MME: variants seen among roughly 807,000 people sequenced by gnomAD.
MME encodes membrane metalloendopeptidase.
A neutral mutation model predicts 113.2 loss-of-function variants in MME; 98 were observed. That is an observed-to-expected ratio of 0.87 (90% confidence interval 0.74 to 1.02). The LOEUF (loss-of-function observed/expected upper bound fraction) is 1.02. MME is among the 50% of genes least tolerant of loss of function. The pLI, the probability that MME is intolerant of heterozygous loss-of-function variation, is 0.00. For missense variants in MME, 836 were observed against 896.0 expected (o/e 0.93, Z 0.86); for synonymous variants, 292 against 300.6 (o/e 0.97, Z 0.30).
At chr3:155,054,378 T>A (rs184030377) in intron 1 of MME, among the ~76,000 whole-genome samples, 269 of 152,312 alleles carry the variant, frequency 1.8e-3, no homozygotes, top group Middle Eastern at 6.8e-3. Flanking sequence ...CTGAGAGGAA[T>A]TTTTTATTCT....
chr3:155,051,313 C>T (rs1713756715), intron 1 of MME, among the ~76,000 whole-genome samples: 1 of 152,202 alleles, frequency 6.6e-6, no homozygotes, highest in Non-Finnish European at 1.5e-5. Flanking sequence ...ATAGCATGGA[C>T]TGCTGTGAAT....
rs201647765 is a variant in MME, at chr3:155,180,457, T to G, written c.2251T>G (p.Ter751GlyextTer36). 6.2e-7 allele frequency: 1 copy of G among 1,611,918 alleles called. No homozygotes were observed. The highest frequency in any genetic ancestry group is 8.5e-7 in the Non-Finnish European group (1 of 1,178,282). ...TCCAGAAAAGAAGTGCCGGGTTTGG[T>G]GATCTTCAAAAGAAGCATTGCAGCC... ...MNPEKKCRVW[*>G] Residue 751 changes from the stop codon to glycine, a stop_lost, in exon 23 of 23, where the codon TGA becomes GGA. Coordinates refer to ENST00000360490, the MANE Select transcript of MME (RefSeq NM_007289.4).
chr3:155,116,040 A>G (rs141124502), intron 4 of MME, among the ~76,000 whole-genome samples: 2 of 152,296 alleles, frequency 1.3e-5, no homozygotes, highest in African/African-American at 4.8e-5. Context: ...CATTTGGAGC[A>G]TGAACGGTAC....
intron 22 of MME, among the ~76,000 whole-genome samples, chr3:155,177,983 A>C (rs1466897597): frequency 6.6e-6 from 1 of 151,412 alleles, no homozygotes; most frequent in Non-Finnish European, 1.5e-5. Context: ...CAGAGCCTCC[A>C]CTCTTCATGT....
In MME at chr3:155,125,138, C is replaced by T. The variant is rs1375174695; in HGVS notation, c.720+6327C>T. Among the ~76,000 whole-genome samples, 7 of 146,668 alleles carry T rather than the reference C, an allele frequency of 4.8e-5. No homozygotes were observed. In the East Asian group the frequency reaches 1.2e-3, roughly 26 times the overall value. ...GTCTCGTGGTGCGCCGTTTTTAAGC[C>T]GGTCTGAAAAGCGCAATATTCGGGT... On this transcript the variant is annotated intron_variant, in intron 8 of 22. Transcript: ENST00000360490.
chr3:155,127,705 C>G (rs541827069), intron 8 of MME, among the ~76,000 whole-genome samples: 2 of 152,284 alleles, frequency 1.3e-5, no homozygotes, highest in South Asian at 4.1e-4. Flanking sequence ...GTGATCAAAT[C>G]TAGAATCAGT....
chr3:155,114,366 C>T (rs1718428547), intron 3 of MME, among the ~76,000 whole-genome samples: 1 of 152,056 alleles, frequency 6.6e-6, no homozygotes, highest in Non-Finnish European at 1.5e-5. Context: ...CATCATAGTC[C>T]TGAAAGATAA....
chr3:155,142,125 C>G lies in MME; in HGVS notation c.1092C>G (p.Ala364=). Reference sequence around the variant, plus strand: ...AGCCCATTCTTACCAAATATTCTGCCAGGTAGGTATGTCACAGTCCCCATG... The same window carrying G: ...AGCCCATTCTTACCAAATATTCTGCGAGGTAGGTATGTCACAGTCCCCATG... The part of the protein sequence containing the change: ...KLKPILTKYS[A]RDLQNLMSWR... The change falls in exon 11 of 23, where the codon GCC becomes GCG. Residue 364 remains alanine (A), a splice_region_variant and synonymous_variant. Transcript: ENST00000360490. 1 of 1,613,762 alleles carries G rather than the reference C, an allele frequency of 6.2e-7. No homozygotes were observed. Among genetic ancestry groups the G allele is most frequent in the Non-Finnish European group, 8.5e-7 (1 of 1,179,786 alleles).
At chr3:155,051,089 A>G (rs970714775) in intron 1 of MME, among the ~76,000 whole-genome samples, 2 of 152,230 alleles carry the variant, frequency 1.3e-5, no homozygotes, top group African/African-American at 4.8e-5. Flanking sequence ...TAAATTGAGG[A>G]AGAAACTGTT....
At position 155,115,036 on chromosome 3, in the gene MME, G is replaced by A. The variant is rs754813027; in HGVS notation, c.239G>A (p.Cys80Tyr). 6.2e-7 allele frequency: 1 copy of A among 1,614,064 alleles called. No individual in the cohort carries two copies. Among genetic ancestry groups the A allele is most frequent in the Non-Finnish European group, 8.5e-7 (1 of 1,180,000 alleles). ...IQNMDATTEP[C>Y]TDFFKYACGG... ...AACATGGATGCCACCACTGAGCCTT[G>A]TACAGACTTTTTCAAATATGCTTGC... is the stretch of plus-strand genomic sequence containing the variant. Residue 80 changes from cysteine (C) to tyrosine (Y), a missense_variant, in exon 4 of 23, where the codon TGT becomes TAT. Physicochemically the swap from Cys to Tyr is radical, Grantham distance 194. Transcript: ENST00000360490.
At chr3:155,037,599 AG>A (rs1157691261) in intron 1 of MME, among the ~76,000 whole-genome samples, 8 of 152,192 alleles carry the variant, frequency 5.3e-5, no homozygotes, top group Non-Finnish European at 1.2e-4. Flanking sequence ...TCAATTGTTT[AG>A]GGCTCAGAAA....
chr3:155,110,614 T>C (rs1471813710), intron 3 of MME, among the ~76,000 whole-genome samples: 2 of 152,252 alleles, frequency 1.3e-5, no homozygotes, highest in South Asian at 2.1e-4. Flanking sequence ...TTGTCATTTG[T>C]AAGAAATAAG....
At chr3:155,054,780 G>A in intron 1 of MME, among the ~76,000 whole-genome samples, 1 of 152,172 alleles carries the variant, frequency 6.6e-6, no homozygotes, top group East Asian at 1.9e-4. Flanking sequence ...TCACACCATT[G>A]CACTCTTGCC....
intron 8 of MME, among the ~76,000 whole-genome samples, chr3:155,132,115 C>T (rs1229482399): frequency 1.3e-5 from 2 of 152,144 alleles, no homozygotes; most frequent in East Asian, 3.9e-4. Flanking sequence ...AATCCCTGAT[C>T]CATAGGTAGT....
At chr3:155,083,728 T>A (rs1261976402) in intron 1 of MME, 2 of 179,680 alleles carry the variant, frequency 1.1e-5, no homozygotes, top group Middle Eastern at 2.5e-3. Flanking sequence ...TTTTTGAGCT[T>A]ATAAAGGAAG....
chr3:155,049,071 TA>T (rs954239589), intron 1 of MME, among the ~76,000 whole-genome samples: 1 of 152,174 alleles, frequency 6.6e-6, no homozygotes, highest in African/African-American at 2.4e-5. Flanking sequence ...TTCATTATTT[TA>T]TTTTTTATTT....
intron 3 of MME, among the ~76,000 whole-genome samples, chr3:155,098,651 A>ACAAACAAT (rs1716951527): frequency 6.6e-6 from 1 of 152,064 alleles, no homozygotes; most frequent in African/African-American, 2.4e-5. Context: ...AAACAAACAA[A>ACAAACAAT]AAACACTTCT....
intron 18 of MME, 148 bp downstream of exon 18, chr3:155,167,169 A>G: frequency 9.0e-7 from 1 of 1,105,588 alleles, no homozygotes; most frequent in Non-Finnish European, 1.3e-6. Flanking sequence ...TTCCCTTTAA[A>G]TTGTTGCTTA....
rs1181787882 is a variant in MME, at chr3:155,116,549, T to C, written c.429T>C (p.Cys143=). ...AAGCAAAAGCATTGTACAGGTCTTG[T>C]ATAAATGAATGTAAGTGCTCTTCAT... ...VQKAKALYRS[C]INESAIDSRG... is the part of the protein sequence containing the mutation. Residue 143 remains cysteine (C), a synonymous_variant, in exon 5 of 23, where the codon TGT becomes TGC. Coordinates refer to ENST00000360490, the MANE Select transcript of MME (RefSeq NM_007289.4). 5 of 1,608,362 alleles carry C rather than the reference T, an allele frequency of 3.1e-6. No individual in the cohort carries two copies. In the African/African-American group the frequency reaches 5.4e-5, roughly 17 times the overall value.
Sources: gnomAD v4.1 joint callset for allele counts (sites outside exome capture counted in the v4.1 genomes callset) on GRCh38, gnomAD v4.1.1 for gene constraint, MANE v1.5 for transcripts, NCBI Gene and HGNC (gene_info 2026-07-23, HGNC 2026-07-21) for gene names.